Variants in CSMD2 observed in about 807,000 individuals in gnomAD.
CSMD2 encodes the protein CUB and sushi domain-containing protein 2.
In CSMD2, 130 loss-of-function variants were observed where a neutral mutation model predicts 398.5. The ratio of observed to expected loss-of-function variants is 0.33; its 90% CI spans 0.28 to 0.38. CSMD2 has a LOEUF of 0.38. Ranked by LOEUF, CSMD2 falls within the 10% of genes least tolerant of loss-of-function variation. CSMD2 has a pLI of 1.00. For missense variants in CSMD2, 3,829 were observed against 4,764.9 expected (o/e 0.80, Z 5.78); for synonymous variants, 1,828 against 1,908.5 (o/e 0.96, Z 1.10).
chr1:34,103,635 C>A (rs1329107699), intron 1 of CSMD2, among the ~76,000 whole-genome samples: 1 of 152,072 alleles, frequency 6.6e-6, no homozygotes, highest in Non-Finnish European at 1.5e-5. Context: ...ATCACCTAGC[C>A]CAGTACTTGC....
At chr1:33,942,791 T>G (rs895522466) in intron 3 of CSMD2, among the ~76,000 whole-genome samples, 2 of 152,222 alleles carry the variant, frequency 1.3e-5, no homozygotes, top group African/African-American at 4.8e-5. Flanking sequence ...CTTTAACTGC[T>G]CAATCTCCAG....
chr1:34,105,248 T>C (rs1228762367), intron 1 of CSMD2, among the ~76,000 whole-genome samples: 3 of 152,208 alleles, frequency 2.0e-5, no homozygotes, highest in African/African-American at 7.2e-5. Flanking sequence ...AATTCTTCAC[T>C]GTGGGAGGCT....
At chr1:33,953,177 C>T (rs1645061282) in intron 3 of CSMD2, among the ~76,000 whole-genome samples, 1 of 152,202 alleles carries the variant, frequency 6.6e-6, no homozygotes, top group Non-Finnish European at 1.5e-5. Context: ...CATGTTCTTC[C>T]TACATTGGCT....
chr1:33,837,156 T>C (rs1255742874), intron 6 of CSMD2, among the ~76,000 whole-genome samples: 1 of 152,022 alleles, frequency 6.6e-6, no homozygotes, highest in Non-Finnish European at 1.5e-5. Context: ...TGAGTGATCA[T>C]GGAATGTGCA....
At chr1:33,993,058 T>C (rs894908092) in intron 3 of CSMD2, among the ~76,000 whole-genome samples, 69 of 152,202 alleles carry the variant, frequency 4.5e-4, no homozygotes, top group African/African-American at 1.4e-3. Flanking sequence ...TCTGCATATG[T>C]ATATGTGTAT....
At position 33,782,226 on chromosome 1, in the gene CSMD2, C is replaced by T. The variant is rs117441471; in HGVS notation, c.1663+6374G>A. Among the ~76,000 whole-genome samples the T allele has an allele frequency of 1.1e-3, 173 of 151,966 alleles. No individual in the cohort carries two copies. The East Asian group carries it at 0.028, about 24-fold the overall frequency. On this transcript the variant is annotated intron_variant, in intron 12 of 70. Coordinates refer to ENST00000373381, the MANE Select transcript of CSMD2 (RefSeq NM_001281956.2). Reference sequence around the variant, plus strand: ...TCGTTCCTGAGTCGAGATGTCTATCCTGTGTGGAACTCCCCAGGAGCTGGA... The same window carrying T: ...TCGTTCCTGAGTCGAGATGTCTATCTTGTGTGGAACTCCCCAGGAGCTGGA...
At chr1:33,792,350 G>A in intron 11 of CSMD2, 73 bp downstream of exon 11, 1 of 972,036 alleles carries the variant, frequency 1.0e-6, no homozygotes, top group Non-Finnish European at 1.7e-6. Context: ...GACCAGGCAG[G>A]ACTCCACAAA....
At chr1:34,130,388 G>GC (rs1271503794) in intron 1 of CSMD2, among the ~76,000 whole-genome samples, 1 of 20,972 alleles carries the variant, frequency 4.8e-5, no homozygotes, top group Non-Finnish European at 1.4e-4. Flanking sequence ...ATGTCTGGAG[G>GC]CAAAAAAAAA....
chr1:33,735,934 G>T (rs1373431870), intron 15 of CSMD2, among the ~76,000 whole-genome samples: 1 of 152,172 alleles, frequency 6.6e-6, no homozygotes, highest in African/African-American at 2.4e-5. Flanking sequence ...CAGGTTCCCA[G>T]GGGCTTCTTT....
rs186755154 is a variant in CSMD2 at position 34,031,899 on chromosome 1, G to A, written c.517+695C>T. ...AATGATCTTAACACAAAATAACAGT[G>A]CAGGTCTTAGCCAAGAGTGGCATAA... On this transcript the variant is annotated intron_variant, in intron 3 of 70. Coordinates refer to ENST00000373381, the MANE Select transcript of CSMD2 (RefSeq NM_001281956.2). Among the ~76,000 whole-genome samples the A allele has an allele frequency of 2.2e-3, 328 of 151,860 alleles. 1 individual carries two copies. Among genetic ancestry groups the A allele is most frequent in the Non-Finnish European group, 3.2e-3 (219 of 68,010 alleles).
chr1:33,919,563 G>C (rs942669147), intron 4 of CSMD2, among the ~76,000 whole-genome samples: 1 of 152,180 alleles, frequency 6.6e-6, no homozygotes, highest in African/African-American at 2.4e-5. Flanking sequence ...TACTCTCCCA[G>C]AGTAGGTGCT....
intron 51 of CSMD2, among the ~76,000 whole-genome samples, chr1:33,570,654 G>A (rs1659514690): frequency 6.6e-6 from 1 of 152,124 alleles, no homozygotes; most frequent in South Asian, 2.1e-4. Flanking sequence ...TTTTAGGACC[G>A]AGGGACTTAT....
chr1:33,725,657 T>C (rs1023557149), intron 16 of CSMD2, 121 bp from the exon 17 acceptor site: 1 of 811,474 alleles, frequency 1.2e-6, no homozygotes, highest in Non-Finnish European at 2.0e-6. Context: ...CTGGGATCTT[T>C]TAATATAATT....
At chr1:34,123,500 C>T (rs916414465) in intron 1 of CSMD2, among the ~76,000 whole-genome samples, 1 of 143,154 alleles carries the variant, frequency 7.0e-6, no homozygotes, top group Non-Finnish European at 1.5e-5. Flanking sequence ...GTGAGCTACT[C>T]CAGCCAATTA....
At chr1:33,530,864 T>C (rs1655170721) in intron 64 of CSMD2, among the ~76,000 whole-genome samples, 1 of 152,112 alleles carries the variant, frequency 6.6e-6, no homozygotes, top group Non-Finnish European at 1.5e-5. Flanking sequence ...TACTGCACAA[T>C]CTCACTTATC....
intron 29 of CSMD2, among the ~76,000 whole-genome samples, chr1:33,644,906 C>T (rs1050878882): frequency 7.9e-5 from 12 of 152,084 alleles, no homozygotes; most frequent in African/African-American, 2.7e-4. Flanking sequence ...AGGCCAGCCC[C>T]GTGAGGCAAG....
intron 15 of CSMD2, 126 bp downstream of exon 15, chr1:33,739,014 C>T (rs1646970609): frequency 6.1e-6 from 5 of 815,234 alleles, no homozygotes; most frequent in Non-Finnish European, 9.5e-6. Context: ...GAGAGAGTGG[C>T]CCTTCGTTCT....
chr1:33,988,654 G>A (rs1646441662), intron 3 of CSMD2, among the ~76,000 whole-genome samples: 1 of 151,964 alleles, frequency 6.6e-6, no homozygotes, highest in Non-Finnish European at 1.5e-5. Context: ...ATTCAGGACT[G>A]ATGCCCAGCA....
intron 41 of CSMD2, among the ~76,000 whole-genome samples, chr1:33,609,593 G>GT (rs1317242815): frequency 6.6e-6 from 1 of 152,112 alleles, no homozygotes; most frequent in Non-Finnish European, 1.5e-5. Flanking sequence ...GGCCTTACTT[G>GT]TAAGGTTTTA....
Sources: gnomAD v4.1 joint callset for allele counts (sites outside exome capture counted in the v4.1 genomes callset) on GRCh38, gnomAD v4.1.1 for gene constraint, MANE v1.5 for transcripts, NCBI Gene and HGNC (gene_info 2026-07-23, HGNC 2026-07-21) for gene names.